Variants in APLF observed in about 807,000 individuals in gnomAD.
APLF encodes the protein aprataxin and PNK-like factor.
A neutral mutation model predicts 55.6 loss-of-function variants in APLF; 61 were observed. That is an observed-to-expected ratio of 1.10 (90% CI 0.89 to 1.36). The LOEUF (loss-of-function observed/expected upper bound fraction) is 1.36, where lower values mean the gene tolerates loss of function less well. Ranked by LOEUF, APLF falls within the 40% of genes most tolerant of loss-of-function variation. The pLI, the probability that APLF is intolerant of heterozygous loss-of-function variation, is 0.00. For synonymous variants in APLF, 207 were observed against 214.8 expected (o/e 0.96, Z 0.32); for missense variants, 611 against 602.5 (o/e 1.01, Z -0.15).
chr2:68,518,835 A>T (rs1379687304), intron 5 of APLF, among the ~76,000 whole-genome samples: 1 of 107,120 alleles, frequency 9.3e-6, no homozygotes, highest in Non-Finnish European at 1.8e-5. Context: ...ATATATCATT[A>T]ATATGTAATA....
At chr2:68,524,845 G>C (rs561590275) in intron 5 of APLF, among the ~76,000 whole-genome samples, 1 of 152,218 alleles carries the variant, frequency 6.6e-6, no homozygotes, top group Non-Finnish European at 1.5e-5. Flanking sequence ...CTCTCGAGTA[G>C]AGGAGAAGGA....
rs531910800 is a variant in APLF at position 68,496,268 on chromosome 2, A to AT, written c.168+6015dup. Among the ~76,000 whole-genome samples the AT allele has an allele frequency of 3.7e-4, 56 of 151,680 alleles. 1 individual carries two copies. The highest frequency in any genetic ancestry group is 2.9e-3 in the Admixed American group (44 of 15,230). ...AGGCGCGTGTCACCACGCCCGGCTA[A>AT]TTTTTTTTGTATTTTTAGTGGAGAT... is the stretch of plus-strand genomic sequence containing the variant. On this transcript the variant is annotated intron_variant, in intron 2 of 9. Coordinates refer to ENST00000303795, the MANE Select transcript of APLF (RefSeq NM_173545.3).
At chr2:68,521,832 C>T (rs1031031892) in intron 5 of APLF, among the ~76,000 whole-genome samples, 1 of 151,960 alleles carries the variant, frequency 6.6e-6, no homozygotes, top group African/African-American at 2.4e-5. Flanking sequence ...TGAATATTTT[C>T]ACCATGGCAA....
chr2:68,557,527 A>T (rs2104044217), intron 8 of APLF, among the ~76,000 whole-genome samples: 1 of 152,346 alleles, frequency 6.6e-6, no homozygotes, highest in Admixed American at 6.5e-5. Context: ...ATGAAGCAAA[A>T]ATAAATCTTC....
chr2:68,551,136 G>T (rs894331543), intron 8 of APLF, among the ~76,000 whole-genome samples: 3 of 151,946 alleles, frequency 2.0e-5, no homozygotes, highest in Non-Finnish European at 2.9e-5. Context: ...TTCTAGCTTA[G>T]CATACCTTTT....
intron 1 of APLF, among the ~76,000 whole-genome samples, chr2:68,485,446 C>G (rs1006390837): frequency 1.3e-5 from 2 of 152,050 alleles, no homozygotes; most frequent in Admixed American, 1.3e-4. Context: ...TCAGTTTGTC[C>G]TCCTGTGGTG....
intron 6 of APLF, among the ~76,000 whole-genome samples, chr2:68,530,066 T>G (rs1176069120): frequency 6.6e-6 from 1 of 152,198 alleles, no homozygotes; most frequent in Admixed American, 6.5e-5. Flanking sequence ...ATGCACCTCT[T>G]ACCACATGCC....
In APLF at chr2:68,513,536, G is replaced by C; in HGVS notation, c.490-12G>C. The C allele has an allele frequency of 6.2e-7, 1 of 1,607,948 alleles. No homozygotes were observed. The highest frequency in any genetic ancestry group is 2.2e-5 in the East Asian group (1 of 44,756). On this transcript the variant is annotated splice_polypyrimidine_tract_variant and intron_variant, in intron 4 of 9. Transcript: ENST00000303795. Reference sequence around the variant, plus strand: ...TGTGATTATTTTTAGTAATTTATAGGTGTCTTTTTAGTCTTTCCTAGGTGA... The same window carrying C: ...TGTGATTATTTTTAGTAATTTATAGCTGTCTTTTTAGTCTTTCCTAGGTGA...
At chr2:68,512,080 A>T (rs1573196912) in intron 3 of APLF, among the ~76,000 whole-genome samples, 1 of 151,782 alleles carries the variant, frequency 6.6e-6, no homozygotes, top group African/African-American at 2.4e-5. Flanking sequence ...AGTAGAGTTC[A>T]TCCCTTTTAA....
chr2:68,576,774 A>G (rs1186746701), intron 9 of APLF, among the ~76,000 whole-genome samples: 1 of 152,160 alleles, frequency 6.6e-6, no homozygotes, highest in Non-Finnish European at 1.5e-5. Context: ...TATATGTTGC[A>G]TGTGAACATT....
intron 2 of APLF, among the ~76,000 whole-genome samples, chr2:68,491,446 A>G (rs1676356038): frequency 6.6e-6 from 1 of 152,216 alleles, no homozygotes; most frequent in African/African-American, 2.4e-5. Flanking sequence ...CGCTGTGGTG[A>G]GAACTATCTA....
intron 3 of APLF, among the ~76,000 whole-genome samples, chr2:68,503,989 C>G (rs989674922): frequency 2.0e-5 from 3 of 151,828 alleles, no homozygotes; most frequent in Admixed American, 2.0e-4. Context: ...TTATCAGTAT[C>G]AACAGTAGAA....
In APLF at chr2:68,547,578, G is replaced by A. The variant is rs565062635; in HGVS notation, c.1286+2266G>A. Reference sequence around the variant, plus strand: ...GTAAGGTGACATATTTATGAAAAGGGACGTTGCAGGTATTGAGAAAAATGA... The same window carrying A: ...GTAAGGTGACATATTTATGAAAAGGAACGTTGCAGGTATTGAGAAAAATGA... On this transcript the variant is annotated intron_variant, in intron 8 of 9. Coordinates refer to ENST00000303795, the MANE Select transcript of APLF (RefSeq NM_173545.3). 4.6e-5 allele frequency among the ~76,000 whole-genome samples: 7 copies of A among 151,816 alleles called. 1 individual carries two copies. In the South Asian group the frequency reaches 1.5e-3, roughly 31 times the overall value.
chr2:68,563,227 C>T (rs1170861216), intron 8 of APLF: 1 of 985,138 alleles, frequency 1.0e-6, no homozygotes, highest in Admixed American at 6.2e-5. Context: ...AAAGAAACAA[C>T]TTTCCCCTTC....
At position 68,502,869 on chromosome 2, in the gene APLF, A is replaced by G. The variant is rs374196156; in HGVS notation, c.307A>G (p.Ile103Val). 3 of 1,606,216 alleles carry G rather than the reference A, an allele frequency of 1.9e-6. No homozygotes were observed. Among genetic ancestry groups the G allele is most frequent in the Admixed American group, 1.7e-5 (1 of 58,092 alleles). Residue 103 changes from isoleucine to valine, a missense_variant, in exon 3 of 10, where the codon ATA becomes GTA. Physicochemically the swap from Ile to Val is conservative, Grantham distance 29. Transcript: ENST00000303795. Reference protein sequence around the residue: ...VDKYIFRILSIPSEVEMQCTL... With the variant: ...VDKYIFRILSVPSEVEMQCTL... ...CAAATACATTTTCCGCATTCTCTCTATACCCTCTGAAGTGGAAATGCAATG... is the reference window on the plus strand; with the variant it reads ...CAAATACATTTTCCGCATTCTCTCTGTACCCTCTGAAGTGGAAATGCAATG...
intron 5 of APLF, among the ~76,000 whole-genome samples, chr2:68,520,935 C>G (rs190192688): frequency 2.2e-4 from 34 of 152,112 alleles, no homozygotes; most frequent in African/African-American, 6.7e-4. Context: ...AATGTTGATT[C>G]TACCGATCCA....
intron 4 of APLF, 70 bp from the exon 5 acceptor site, chr2:68,513,478 C>T: frequency 6.5e-7 from 1 of 1,540,554 alleles, no homozygotes; most frequent in South Asian, 1.2e-5. Flanking sequence ...TAGTATTCTG[C>T]AAAGCAGATA....
At chr2:68,576,058 C>T (rs1355960331) in intron 9 of APLF, among the ~76,000 whole-genome samples, 2 of 152,050 alleles carry the variant, frequency 1.3e-5, no homozygotes, top group East Asian at 3.9e-4. Context: ...GAGCAGAGAA[C>T]CTGGAGTTGT....
intron 2 of APLF, among the ~76,000 whole-genome samples, chr2:68,496,997 C>G (rs12713643): frequency 0.24 from 36,026 of 152,164 alleles, 6,822 homozygotes; most frequent in African/African-American, 0.53. Flanking sequence ...CACACTTTTA[C>G]ATATCTTCAT....
Sources: allele counts gnomAD v4.1 joint callset (sites outside exome capture counted in the v4.1 genomes callset), GRCh38; gene constraint gnomAD v4.1.1; transcripts MANE v1.5; gene names NCBI Gene and HGNC (gene_info 2026-07-23, HGNC 2026-07-21).